DCDC1: variants seen among roughly 807,000 people sequenced by gnomAD.
The protein encoded by DCDC1 is doublecortin domain containing 1, also known as doublecortin domain-containing protein 1.
DCDC1 carries 200 observed loss-of-function variants against 178.3 expected under a neutral mutation model. That is an observed-to-expected ratio of 1.12 (90% CI 1.00 to 1.26). The LOEUF (loss-of-function observed/expected upper bound fraction) is 1.26, where lower values mean the gene tolerates loss of function less well. Ranked by LOEUF, DCDC1 falls within the 50% of genes most tolerant of loss-of-function variation. The probability of loss-of-function intolerance (pLI) is 0.00; values close to 1 mark genes in which losing one functional copy is unlikely to be tolerated. For missense variants in DCDC1, 1,983 were observed against 1,749.2 expected, an observed-to-expected ratio of 1.13 and a Z score of -2.38; for synonymous variants, 690 against 604.8, an observed-to-expected ratio of 1.14 and a Z score of -2.07.
chr11:31,241,821 T>C, intron 8 of DCDC1: 1 of 338,622 alleles, frequency 3.0e-6, no homozygotes, highest in Non-Finnish European at 5.3e-6. Flanking sequence ...CATGCAAGAC[T>C]CATAAGCTTT....
At chr11:30,881,441 T>C in intron 36 of DCDC1, 133 bp from the exon 37 acceptor site, 1 of 1,166,632 alleles carries the variant, frequency 8.6e-7, no homozygotes, top group Non-Finnish European at 1.2e-6. Context: ...TAGACATTCG[T>C]ATAGAAGAGA....
At chr11:30,898,304 C>T (rs1040536809) in intron 34 of DCDC1, among the ~76,000 whole-genome samples, 23 of 152,122 alleles carry the variant, frequency 1.5e-4, no homozygotes, top group East Asian at 7.7e-4. Flanking sequence ...GAATGGAAAC[C>T]GCTGTCAAGA....
At chr11:30,939,670 T>C (rs774151103) in intron 21 of DCDC1, among the ~76,000 whole-genome samples, 1 of 152,168 alleles carries the variant, frequency 6.6e-6, no homozygotes, top group Non-Finnish European at 1.5e-5. Context: ...AACTTTCTTC[T>C]CTTTAATGAG....
intron 20 of DCDC1, among the ~76,000 whole-genome samples, chr11:30,982,957 C>A (rs1331810749): frequency 2.0e-5 from 3 of 152,116 alleles, no homozygotes; most frequent in Non-Finnish European, 4.4e-5. Context: ...CGACCGTGCT[C>A]CCATCTCACC....
intron 8 of DCDC1, among the ~76,000 whole-genome samples, chr11:31,253,475 A>T (rs866797324): frequency 1.3e-4 from 20 of 152,038 alleles, no homozygotes; most frequent in Non-Finnish European, 2.5e-4. Context: ...TAAAAGACAA[A>T]AAGTTATCTT....
intron 6 of DCDC1, among the ~76,000 whole-genome samples, chr11:31,305,074 A>G (rs1485468439): frequency 6.6e-6 from 1 of 152,146 alleles, no homozygotes; most frequent in African/African-American, 2.4e-5. Context: ...GGATTATATT[A>G]TACATTTTAA....
intron 9 of DCDC1, among the ~76,000 whole-genome samples, chr11:31,168,256 G>A (rs1966856768): frequency 6.6e-6 from 1 of 152,016 alleles, no homozygotes. Context: ...ACTATATGTT[G>A]TCAAGCTGTT....
chr11:31,135,024 TA>T (rs1962952943), intron 10 of DCDC1, among the ~76,000 whole-genome samples: 1 of 152,134 alleles, frequency 6.6e-6, no homozygotes, highest in Admixed American at 6.6e-5. Flanking sequence ...AAAAAAATTT[TA>T]AAAAAGCTTA....
intron 7 of DCDC1, chr11:31,280,886 T>C (rs1237911893): frequency 3.1e-6 from 2 of 640,544 alleles, no homozygotes; most frequent in Non-Finnish European, 5.9e-6. Context: ...GAAGAGACCA[T>C]GGAGATTAGG....
intron 30 of DCDC1, among the ~76,000 whole-genome samples, chr11:30,906,161 T>C (rs1945045849): frequency 6.6e-6 from 1 of 152,110 alleles, no homozygotes; most frequent in African/African-American, 2.4e-5. Context: ...ACACATCCAA[T>C]TCCCCCTGAA....
At chr11:31,314,022 T>G (rs992042271) in intron 3 of DCDC1, among the ~76,000 whole-genome samples, 3 of 152,178 alleles carry the variant, frequency 2.0e-5, no homozygotes, top group Non-Finnish European at 2.9e-5. Context: ...ACAGACAAAG[T>G]AGTTCCTTTT....
rs1950741073 is a variant in DCDC1 at position 30,987,834 on chromosome 11, C to T, written c.2592-35266G>A. On this transcript the variant is annotated intron_variant, in intron 20 of 38. Coordinates refer to ENST00000684477, the MANE Select transcript of DCDC1 (RefSeq NM_001387274.1). ...TTTTTTCTCATCAGCTATCAGCTAT[C>T]ATTAGTGTTAGTGTATTTTATGTGT... Among the ~76,000 whole-genome samples, 3 of 152,162 alleles carry T rather than the reference C, an allele frequency of 2.0e-5. No individual in the cohort carries two copies. In the South Asian group the frequency reaches 6.2e-4, roughly 32 times the overall value.
At chr11:31,204,377 C>G (rs1410164828) in intron 9 of DCDC1, among the ~76,000 whole-genome samples, 5 of 151,546 alleles carry the variant, frequency 3.3e-5, no homozygotes, top group African/African-American at 4.9e-5. Context: ...TATGCAAGCC[C>G]TTTGTATATA....
intron 1 of DCDC1, among the ~76,000 whole-genome samples, chr11:31,363,855 C>T (rs1034327478): frequency 6.6e-6 from 1 of 152,076 alleles, no homozygotes; most frequent in African/African-American, 2.4e-5. Flanking sequence ...ACAGTACAGC[C>T]AGTACCTGAC....
chr11:31,351,553 G>T (rs6484501), intron 1 of DCDC1, among the ~76,000 whole-genome samples: 107,222 of 151,966 alleles, frequency 0.71, 39,287 homozygotes, highest in African/African-American at 0.9. Flanking sequence ...AGAAAAGTTT[G>T]TAAATATTAT....
At chr11:31,093,982 T>G (rs1460987124) in intron 16 of DCDC1, 68 bp downstream of exon 16, 1 of 733,246 alleles carries the variant, frequency 1.4e-6, no homozygotes, top group East Asian at 2.5e-5. Context: ...GAGCACCAGG[T>G]GCCAGCAAGT....
At chr11:31,034,480 T>A (rs567869967) in intron 20 of DCDC1, among the ~76,000 whole-genome samples, 1 of 152,208 alleles carries the variant, frequency 6.6e-6, no homozygotes, top group East Asian at 1.9e-4. Context: ...TCATGGTAAG[T>A]GACTTATACA....
intron 21 of DCDC1, among the ~76,000 whole-genome samples, chr11:30,950,351 A>G (rs746334069): frequency 6.6e-6 from 1 of 152,224 alleles, no homozygotes; most frequent in African/African-American, 2.4e-5. Context: ...CTGGATATAC[A>G]TCCAAAAGAA....
At chr11:30,881,898 C>T (rs1942712902) in intron 36 of DCDC1, 1 of 153,790 alleles carries the variant, frequency 6.5e-6, no homozygotes, top group Non-Finnish European at 1.5e-5. Flanking sequence ...CACAAAATCA[C>T]ATGTAGAGAT....
Sources: allele counts gnomAD v4.1 joint callset (sites outside exome capture counted in the v4.1 genomes callset), GRCh38; gene constraint gnomAD v4.1.1; transcripts MANE v1.5; gene names NCBI Gene and HGNC (gene_info 2026-07-23, HGNC 2026-07-21).